Variants in CRYZL1 observed in about 807,000 individuals in gnomAD.
CRYZL1 encodes ferry endosomal RAB5 effector complex subunit 4.
CRYZL1 carries 34 observed loss-of-function variants against 50.6 expected under a neutral mutation model. That is an observed-to-expected ratio of 0.67 (90% CI 0.51 to 0.89). The LOEUF (loss-of-function observed/expected upper bound fraction) is 0.89, where lower values mean the gene tolerates loss of function less well. CRYZL1 is among the 40% of genes least tolerant of loss of function. The pLI, the probability that CRYZL1 is intolerant of heterozygous loss-of-function variation, is 0.00. For missense variants in CRYZL1, 354 were observed against 402.3 expected, an observed-to-expected ratio of 0.88 and a Z score of 1.03; for synonymous variants, 125 against 134.3, an observed-to-expected ratio of 0.93 and a Z score of 0.48.
Position 33,592,870 on chromosome 21 carries a change from G to A in CRYZL1, c.905-1663C>T, listed in dbSNP as rs1264327046. ...AGTTCGAGACCAGCCTGACCAATAT[G>A]GTGAAATCCTGCCTCTACTAAAAAT... is the stretch of plus-strand genomic sequence containing the variant. On this transcript the variant is annotated intron_variant, in intron 11 of 12. Transcript: ENST00000381554. Among the ~76,000 whole-genome samples, 7 of 152,094 alleles carry A rather than the reference G, an allele frequency of 4.6e-5. No homozygotes were observed. In the East Asian group the frequency reaches 1.2e-3, roughly 26 times the overall value.
intron 5 of CRYZL1, chr21:33,616,244 A>T (rs983117669): frequency 6.5e-6 from 1 of 154,460 alleles, no homozygotes; most frequent in African/African-American, 2.4e-5. Flanking sequence ...AATTTTTATC[A>T]TCAATAGAAA....
intron 11 of CRYZL1, chr21:33,594,851 C>A: frequency 6.6e-6 from 1 of 152,660 alleles, no homozygotes; most frequent in Non-Finnish European, 1.5e-5. Context: ...GTCATTGCTC[C>A]TGGAGGGAAC....
chr21:33,603,172 G>A, intron 7 of CRYZL1: 1 of 462,464 alleles, frequency 2.2e-6, no homozygotes, highest in Non-Finnish European at 3.9e-6. Context: ...AATAAAAATG[G>A]CTTGTCTTTT....
intron 1 of CRYZL1, among the ~76,000 whole-genome samples, chr21:33,632,680 G>A (rs1341726750): frequency 1.3e-5 from 2 of 152,146 alleles, no homozygotes; most frequent in Non-Finnish European, 2.9e-5. Flanking sequence ...GCCCGGCTCT[G>A]TGAACTTCTT....
At chr21:33,615,509 T>C (rs2086920472) in intron 5 of CRYZL1, among the ~76,000 whole-genome samples, 1 of 152,158 alleles carries the variant, frequency 6.6e-6, no homozygotes, top group African/African-American at 2.4e-5. Context: ...CTTTATGTCT[T>C]CCACAGAGAA....
At chr21:33,627,591 A>C (rs976988277) in intron 2 of CRYZL1, among the ~76,000 whole-genome samples, 1 of 152,148 alleles carries the variant, frequency 6.6e-6, no homozygotes, top group Non-Finnish European at 1.5e-5. Flanking sequence ...AAATTCTACT[A>C]TCTATGCTTA....
At chr21:33,592,108 GT>G (rs200103123) in intron 11 of CRYZL1, among the ~76,000 whole-genome samples, 4 of 136,904 alleles carry the variant, frequency 2.9e-5, no homozygotes, top group African/African-American at 2.7e-5. Context: ...TATTTTTTTT[GT>G]TTTTTTTATT....
intron 6 of CRYZL1, among the ~76,000 whole-genome samples, chr21:33,610,727 GTTTTT>G (rs747790692): frequency 5.9e-5 from 6 of 101,480 alleles, no homozygotes; most frequent in Non-Finnish European, 9.9e-5. Context: ...TTGTTTGGTT[GTTTTT>G]TTTTTTTTTT....
chr21:33,593,649 A>C (rs2086664424), intron 11 of CRYZL1, among the ~76,000 whole-genome samples: 1 of 152,182 alleles, frequency 6.6e-6, no homozygotes, highest in South Asian at 2.1e-4. Context: ...GTTATATACT[A>C]TAAGCAGAGC....
At chr21:33,636,360 C>G (rs2087206809) in intron 1 of CRYZL1, among the ~76,000 whole-genome samples, 1 of 152,176 alleles carries the variant, frequency 6.6e-6, no homozygotes. Context: ...GAAACCCTGT[C>G]TCTTAAACAT....
At chr21:33,591,479 C>T in intron 11 of CRYZL1, 1 of 503,452 alleles carries the variant, frequency 2.0e-6, no homozygotes, top group Non-Finnish European at 3.5e-6. Flanking sequence ...TAAGTGCTCA[C>T]CACTATTATC....
chr21:33,591,026 G>A, intron 12 of CRYZL1, 136 bp downstream of exon 12: 1 of 698,154 alleles, frequency 1.4e-6, no homozygotes, highest in Non-Finnish European at 2.6e-6. Flanking sequence ...CCACAATTAT[G>A]TTTGCACCAA....
At chr21:33,607,801 C>T (rs2086828772) in intron 6 of CRYZL1, among the ~76,000 whole-genome samples, 1 of 152,118 alleles carries the variant, frequency 6.6e-6, no homozygotes, top group African/African-American at 2.4e-5. Context: ...TTCCCTTTTA[C>T]AAAAGGTTGG....
At chr21:33,615,158 T>G (rs1043390170) in intron 5 of CRYZL1, among the ~76,000 whole-genome samples, 1 of 124,792 alleles carries the variant, frequency 8.0e-6, no homozygotes, top group South Asian at 2.7e-4. Flanking sequence ...TTCTCTCTTT[T>G]TTTTTTTTTT....
chr21:33,619,585 A>G (rs985238079), intron 4 of CRYZL1, among the ~76,000 whole-genome samples: 2 of 151,618 alleles, frequency 1.3e-5, no homozygotes, highest in African/African-American at 4.9e-5. Context: ...TTCTTTTGAG[A>G]CAGGGTCTTG....
At chr21:33,613,666 G>A in intron 5 of CRYZL1, 60 bp from the exon 6 acceptor site, 2 of 1,157,236 alleles carry the variant, frequency 1.7e-6, no homozygotes, top group Non-Finnish European at 2.6e-6. Context: ...CTAATGAGAG[G>A]CCAGTATTAT....
intron 4 of CRYZL1, among the ~76,000 whole-genome samples, chr21:33,620,902 C>CTT (rs1217062963): frequency 0.036 from 2,513 of 69,108 alleles, 412 homozygotes; most frequent in African/African-American, 0.049. Flanking sequence ...GGTGTCCAAT[C>CTT]TTTTTTTTTT....
In CRYZL1 at chr21:33,624,589, C is replaced by G. The variant is rs2087038741; in HGVS notation, c.144+94G>C. On this transcript the variant is annotated intron_variant, in intron 3 of 12. Transcript: ENST00000381554. ...ACAAAAATGAAGATGGTAATAAATT[C>G]TTCACATTGAGAGGTCAGTTATCGT... 5 of 1,529,354 alleles carry G rather than the reference C, an allele frequency of 3.3e-6. No homozygotes were observed. In the South Asian group the frequency reaches 3.7e-5, roughly 11 times the overall value. The allele number at this position is 1,529,354 out of a possible 1,614,324, so 94.7% of individuals were successfully genotyped here. A position where few individuals can be genotyped will look rare whatever the true frequency, so the allele number is the denominator to read the frequency against.
At chr21:33,610,918 G>A (rs547429906) in intron 6 of CRYZL1, among the ~76,000 whole-genome samples, 7 of 48 alleles carry the variant, frequency 0.15, no homozygotes, top group African/African-American at 0.44. Flanking sequence ...TTTTAGTAGA[G>A]ACGGGTTTCA....
Sources: allele counts gnomAD v4.1 joint callset (sites outside exome capture counted in the v4.1 genomes callset), GRCh38; gene constraint gnomAD v4.1.1; transcripts MANE v1.5; gene names NCBI Gene and HGNC (gene_info 2026-07-23, HGNC 2026-07-21).